RGS22: variants seen among roughly 807,000 people sequenced by gnomAD.
The protein encoded by RGS22 is regulator of G protein signaling 22.
In RGS22, 148 loss-of-function variants were observed where a neutral mutation model predicts 172.9. The observed-to-expected ratio is 0.86, with a 90% CI of 0.75 to 0.98. The LOEUF (loss-of-function observed/expected upper bound fraction) is 0.98, where lower values mean the gene tolerates loss of function less well. RGS22 is among the 50% of genes least tolerant of loss of function. The pLI is 0.00. For missense variants in RGS22, 1,347 were observed against 1,440.8 expected, an observed-to-expected ratio of 0.93 and a Z score of 1.05; for synonymous variants, 458 against 480.2, an observed-to-expected ratio of 0.95 and a Z score of 0.60.
chr8:100,023,950 G>A (rs1345212379), intron 14 of RGS22: 2 of 152,696 alleles, frequency 1.3e-5, no homozygotes, highest in Admixed American at 6.6e-5. Flanking sequence ...AATTTATTAA[G>A]AGCTCCCTTT....
At chr8:100,040,303 A>C (rs187300103) in intron 12 of RGS22, among the ~76,000 whole-genome samples, 1 of 152,368 alleles carries the variant, frequency 6.6e-6, no homozygotes, top group Admixed American at 6.5e-5. Context: ...AATATATTCT[A>C]TTATAAACCA....
intron 16 of RGS22, among the ~76,000 whole-genome samples, chr8:100,004,416 TAAG>T (rs1348601881): frequency 1.3e-5 from 2 of 151,932 alleles, no homozygotes; most frequent in African/African-American, 4.8e-5. Context: ...TCTTTTGTAA[TAAG>T]AAAATAAAAA....
At chr8:99,981,869 A>G (rs556568572) in intron 22 of RGS22, 68 bp downstream of exon 22, 49 of 1,439,788 alleles carry the variant, frequency 3.4e-5, no homozygotes, top group Admixed American at 6.4e-5. Context: ...GCCCAAAAGG[A>G]TATCTATCTT....
At chr8:99,982,389 T>C (rs1428112410) in intron 21 of RGS22, among the ~76,000 whole-genome samples, 1 of 152,208 alleles carries the variant, frequency 6.6e-6, no homozygotes, top group African/African-American at 2.4e-5. Flanking sequence ...CATTAGTATC[T>C]ACTTTGACTC....
intron 14 of RGS22, among the ~76,000 whole-genome samples, chr8:100,034,646 C>G (rs1819238100): frequency 6.6e-6 from 1 of 152,120 alleles, no homozygotes; most frequent in Non-Finnish European, 1.5e-5. Flanking sequence ...AAAAAAGAGC[C>G]TGCATTTCCA....
At chr8:100,104,453 CTGTG>C (rs935362298) in intron 2 of RGS22, among the ~76,000 whole-genome samples, 4 of 150,806 alleles carry the variant, frequency 2.7e-5, no homozygotes, top group African/African-American at 7.3e-5. Context: ...CCTTCAGTGG[CTGTG>C]TGTGTGTATG....
chr8:100,096,219 G>C (rs1320136027), intron 2 of RGS22, among the ~76,000 whole-genome samples: 1 of 152,158 alleles, frequency 6.6e-6, no homozygotes, highest in Non-Finnish European at 1.5e-5. Context: ...AATGCTCTAA[G>C]TCTCTATGCT....
At chr8:100,076,653 GA>G (rs1229673784) in intron 4 of RGS22, among the ~76,000 whole-genome samples, 1 of 152,172 alleles carries the variant, frequency 6.6e-6, no homozygotes, top group African/African-American at 2.4e-5. Context: ...GGACTATTCA[GA>G]TTATCTATAT....
intron 6 of RGS22, among the ~76,000 whole-genome samples, chr8:100,067,856 C>G (rs1810651165): frequency 6.6e-6 from 1 of 151,904 alleles, no homozygotes; most frequent in African/African-American, 2.4e-5. Context: ...AACTCCTGAC[C>G]TCATGATCCG....
At chr8:99,979,948 G>A (rs2131194309) in intron 22 of RGS22, among the ~76,000 whole-genome samples, 1 of 152,274 alleles carries the variant, frequency 6.6e-6, no homozygotes, top group African/African-American at 2.4e-5. Flanking sequence ...AAGCTCAGGA[G>A]AGAAAGCAGT....
At chr8:100,001,203 T>TATATATATATATATATACAC (rs1815023452) in intron 18 of RGS22, among the ~76,000 whole-genome samples, 9 of 8,784 alleles carry the variant, frequency 1.0e-3, no homozygotes, top group African/African-American at 4.0e-3. Flanking sequence ...CCCAATTTTT[T>TATATATATATATATATACAC]ATATATATAT....
intron 20 of RGS22, among the ~76,000 whole-genome samples, chr8:99,993,393 G>A (rs1397576091): frequency 6.6e-6 from 1 of 152,018 alleles, no homozygotes; most frequent in East Asian, 1.9e-4. Context: ...AGAAAAGAGA[G>A]AAGAGTCAAA....
intron 3 of RGS22, among the ~76,000 whole-genome samples, chr8:100,088,974 G>A (rs1319855825): frequency 1.3e-5 from 2 of 151,808 alleles, no homozygotes; most frequent in Non-Finnish European, 2.9e-5. Flanking sequence ...AAGATTAGAA[G>A]GTTTACTTGT....
At chr8:99,998,420 T>G (rs76809265) in intron 19 of RGS22, among the ~76,000 whole-genome samples, 1,841 of 152,218 alleles carry the variant, frequency 0.012, 18 homozygotes, top group Non-Finnish European at 0.022. Context: ...AACTTGGCAG[T>G]CACAGCTGGG....
intron 4 of RGS22, 117 bp downstream of exon 4, chr8:100,080,017 G>A (rs1586230170): frequency 5.5e-6 from 4 of 723,596 alleles, no homozygotes; most frequent in Non-Finnish European, 6.9e-6. Context: ...CTATGTGTAC[G>A]TACAACACAA....
intron 13 of RGS22, 95 bp from the exon 14 acceptor site, chr8:100,039,127 G>T: frequency 1.8e-6 from 1 of 543,908 alleles, no homozygotes; most frequent in Non-Finnish European, 3.1e-6. Flanking sequence ...TTAGCTCCTT[G>T]CTGTTACCAT....
intron 4 of RGS22, among the ~76,000 whole-genome samples, chr8:100,076,896 G>A (rs1051286882): frequency 2.6e-5 from 4 of 152,160 alleles, no homozygotes; most frequent in African/African-American, 9.7e-5. Context: ...GGAAGGCTGA[G>A]GCAGGAGAAT....
chr8:100,096,232 G>A (rs1586282870), intron 2 of RGS22, among the ~76,000 whole-genome samples: 2 of 152,186 alleles, frequency 1.3e-5, no homozygotes, highest in East Asian at 3.8e-4. Flanking sequence ...TCTATGCTTA[G>A]GTTTAACATC....
At chr8:100,017,352 C>A (rs557563106) in intron 14 of RGS22, among the ~76,000 whole-genome samples, 1 of 152,106 alleles carries the variant, frequency 6.6e-6, no homozygotes, top group African/African-American at 2.4e-5. Context: ...CATGGCATCC[C>A]AAGCCTACAT....
Sources: allele counts gnomAD v4.1 joint callset (sites outside exome capture counted in the v4.1 genomes callset), GRCh38; gene constraint gnomAD v4.1.1; transcripts MANE v1.5; gene names NCBI Gene and HGNC (gene_info 2026-07-23, HGNC 2026-07-21).